The following EHMT1 variants were observed in gnomAD, a reference collection of about 807,000 sequenced individuals.
EHMT1 encodes the protein histone-lysine N-methyltransferase EHMT1.
A neutral mutation model predicts 147.2 loss-of-function variants in EHMT1; 15 were observed. That is an observed-to-expected ratio of 0.10 (90% CI 0.07 to 0.16). The LOEUF (loss-of-function observed/expected upper bound fraction) is 0.16. Ranked by LOEUF, EHMT1 falls within the 10% of genes least tolerant of loss-of-function variation. EHMT1 has a pLI of 1.00. For synonymous variants in EHMT1, 795 were observed against 709.6 expected (o/e 1.12, Z -1.91); for missense variants, 1,587 against 1,772.4 (o/e 0.90, Z 1.88).
At position 137,776,990 on chromosome 9, in the gene EHMT1, C is replaced by T; in HGVS notation, c.2018+146C>T. The T allele has an allele frequency of 2.6e-6, 2 of 768,716 alleles. No homozygotes were observed. Among genetic ancestry groups the T allele is most frequent in the Non-Finnish European group, 2.1e-6 (1 of 478,878 alleles). The allele number at this position is 768,716 out of a possible 1,614,324, so 47.6% of individuals were successfully genotyped here. On this transcript the variant is annotated intron_variant, in intron 12 of 26. Coordinates refer to ENST00000460843, the MANE Select transcript of EHMT1 (RefSeq NM_024757.5). This position sits in a 1 kb window ranked among gnomAD's most constrained non-coding sequence, Gnocchi z 4.4. Reference sequence around the variant, plus strand: ...TTATGGTGATTTCTGACATTTAAGACTCTGAAATTCATTTATTGCCATTTG... The same window carrying T: ...TTATGGTGATTTCTGACATTTAAGATTCTGAAATTCATTTATTGCCATTTG...
At chr9:137,784,186 G>A in intron 15 of EHMT1, 1 of 1,550,960 alleles carries the variant, frequency 6.4e-7, no homozygotes, top group Non-Finnish European at 8.7e-7. Flanking sequence ...CCCGAACACA[G>A]CCAGGAACCA....
In EHMT1 at chr9:137,626,784, T is replaced by G. The variant is rs1411494015; in HGVS notation, c.21+7735T>G. Among the ~76,000 whole-genome samples the G allele has an allele frequency of 3.1e-5, 4 of 127,432 alleles. No homozygotes were observed. In the East Asian group the frequency reaches 8.4e-4, roughly 27 times the overall value. 83.6% of individuals were successfully genotyped at this position (127,432 alleles called of 152,430 possible). ...CTGTTTTGTTGGCTCTCTTGCAGAA[T>G]TTTTTTTTTTTTTTTTTTGAGACAG... On this transcript the variant is annotated intron_variant, in intron 1 of 26. Coordinates refer to ENST00000460843, the MANE Select transcript of EHMT1 (RefSeq NM_024757.5).
intron 1 of EHMT1, among the ~76,000 whole-genome samples, chr9:137,691,798 C>T (rs956996011): frequency 6.6e-6 from 1 of 152,178 alleles, no homozygotes; most frequent in Middle Eastern, 3.2e-3. Context: ...ACAGTCTCTC[C>T]TGGGTGTGAA....
chr9:137,762,121 C>T (rs369149242), intron 9 of EHMT1, among the ~76,000 whole-genome samples: 7 of 152,258 alleles, frequency 4.6e-5, no homozygotes, highest in African/African-American at 1.7e-4. Context: ...ATATTGAGCT[C>T]TAATTCTCCT....
At chr9:137,827,322 C>T (rs1955875199) in intron 25 of EHMT1, among the ~76,000 whole-genome samples, 1 of 152,158 alleles carries the variant, frequency 6.6e-6, no homozygotes, top group South Asian at 2.1e-4. Context: ...CTCCCTGCAC[C>T]CTCTCACTTC....
intron 21 of EHMT1, chr9:137,814,107 T>C (rs2137747249): frequency 3.1e-6 from 1 of 323,782 alleles, no homozygotes; most frequent in Non-Finnish European, 5.8e-6. Context: ...GGCTCTGTGT[T>C]CTTGCCTTTC....
chr9:137,776,997 A>T lies in EHMT1; in HGVS notation c.2018+153A>T. 1 of 742,900 alleles carries T rather than the reference A, an allele frequency of 1.3e-6. No homozygotes were observed. Among genetic ancestry groups the T allele is most frequent in the Non-Finnish European group, 2.2e-6 (1 of 457,864 alleles). 46.0% of individuals were successfully genotyped at this position (742,900 alleles called of 1,614,324 possible). The stretch of plus-strand genomic sequence containing the variant: ...GATTTCTGACATTTAAGACTCTGAA[A>T]TTCATTTATTGCCATTTGTGCATAC... On this transcript the variant is annotated intron_variant, in intron 12 of 26. Coordinates refer to ENST00000460843, the MANE Select transcript of EHMT1 (RefSeq NM_024757.5). The surrounding 1 kb of genome is among the most constrained non-coding windows in gnomAD (Gnocchi z 4.4).
In EHMT1 at chr9:137,657,498, C is replaced by CTTT. The variant is rs545345887; in HGVS notation, c.21+38461_21+38463dup. On this transcript the variant is annotated intron_variant, in intron 1 of 26. Transcript: ENST00000460843. ...AGGTGGGAGCCAGTGCACCTGGTTG[C>CTTT]TTTTTTTTTTTTTTAATAAAAATTT... 5.0e-3 allele frequency among the ~76,000 whole-genome samples: 627 copies of CTTT among 126,134 alleles called. 6 individuals carry two copies. Among genetic ancestry groups the CTTT allele is most frequent in the African/African-American group, 0.017 (587 of 33,970 alleles). The allele number at this position is 126,134 out of a possible 152,430, so 82.7% of individuals were successfully genotyped here.
At position 137,779,689 on chromosome 9, in the gene EHMT1, G is replaced by A. The variant is rs750137403; in HGVS notation, c.2247G>A (p.Gly749=). The change falls in exon 14 of 27, where the codon GGG becomes GGA. Residue 749 remains glycine, a synonymous_variant. Coordinates refer to ENST00000460843, the MANE Select transcript of EHMT1 (RefSeq NM_024757.5). Reference sequence around the variant, plus strand: ...AGCTGTACTTCTCCGCCAGGCAAGGGGAGCTTCAGAAGGTGCTCCTCATGC... The same window carrying A: ...AGCTGTACTTCTCCGCCAGGCAAGGAGAGCTTCAGAAGGTGCTCCTCATGC... ...PKQLYFSARQ[G]ELQKVLLMLV... is the part of the protein sequence containing the mutation. 2 of 1,613,832 alleles carry A rather than the reference G, an allele frequency of 1.2e-6. No individual in the cohort carries two copies. Among genetic ancestry groups the A allele is most frequent in the Non-Finnish European group, 8.5e-7 (1 of 1,180,050 alleles).
At chr9:137,800,655 C>G (rs1459470521) in intron 17 of EHMT1, 4 of 583,894 alleles carry the variant, frequency 6.9e-6, no homozygotes, top group Non-Finnish European at 1.2e-5. Context: ...GTTGTTGGGC[C>G]TGGGCCAGTC....
intron 10 of EHMT1, chr9:137,764,021 C>G (rs1950043882): frequency 6.6e-6 from 1 of 152,566 alleles, no homozygotes; most frequent in South Asian, 2.1e-4. Context: ...TCTGGCCTGG[C>G]TGGGATTTTG....
At chr9:137,792,045 T>C (rs929181587) in intron 16 of EHMT1, 1 of 465,072 alleles carries the variant, frequency 2.2e-6, no homozygotes, top group Admixed American at 2.5e-5. Context: ...AACAGCTTTT[T>C]TTTTTACAGA....
At chr9:137,798,338 GCT>G (rs1953135912) in intron 16 of EHMT1, among the ~76,000 whole-genome samples, 1 of 152,134 alleles carries the variant, frequency 6.6e-6, no homozygotes, top group Non-Finnish European at 1.5e-5. Flanking sequence ...GGAATCAGAG[GCT>G]GTGGTGAGCT....
chr9:137,716,970 G>T lies in EHMT1; in HGVS notation c.430G>T (p.Ala144Ser), dbSNP rs1227523983. 3.1e-6 allele frequency: 5 copies of T among 1,611,206 alleles called. No individual in the cohort carries two copies. The highest frequency in any genetic ancestry group is 1.7e-4 in the Middle Eastern group (1 of 6,054). ...GCCCTTGAGGACTACCAGCACTCTG[G>T]CCTCTTCGCTGCCTGGCCATGCTGC... Reference protein sequence around the residue: ...AQPLRTTSTLASSLPGHAAKT... With the variant: ...AQPLRTTSTLSSSLPGHAAKT... The change falls in exon 3 of 27, where the codon GCC becomes TCC. Residue 144 changes from alanine (A) to serine (S), a missense_variant. Ala to Ser is a moderately conservative substitution (Grantham distance 99, BLOSUM62 1). This residue lies in a region of EHMT1 where 810 missense variants were observed against 673.0 expected (regional missense o/e 1.20). Coordinates refer to ENST00000460843, the MANE Select transcript of EHMT1 (RefSeq NM_024757.5).
chr9:137,755,069 C>T (rs536522135), intron 8 of EHMT1, among the ~76,000 whole-genome samples: 2 of 152,294 alleles, frequency 1.3e-5, no homozygotes, highest in South Asian at 2.1e-4. Flanking sequence ...TTTTTGTTTC[C>T]AGCTTAACCG....
chr9:137,657,712 A>G (rs1938615076), intron 1 of EHMT1, among the ~76,000 whole-genome samples: 1 of 151,738 alleles, frequency 6.6e-6, no homozygotes, highest in Admixed American at 6.6e-5. Flanking sequence ...TGTGCAATAG[A>G]CCATTGTTGA....
chr9:137,674,064 C>T (rs377464632), intron 1 of EHMT1, among the ~76,000 whole-genome samples: 11 of 152,160 alleles, frequency 7.2e-5, no homozygotes, highest in East Asian at 5.8e-4. Flanking sequence ...GTTTGAAATA[C>T]GGTTAGTGGA....
chr9:137,631,893 A>G (rs1378687710), intron 1 of EHMT1, among the ~76,000 whole-genome samples: 2 of 152,162 alleles, frequency 1.3e-5, no homozygotes, highest in African/African-American at 4.8e-5. Flanking sequence ...AAGAAAAAAA[A>G]GATTATAATA....
intron 1 of EHMT1, among the ~76,000 whole-genome samples, chr9:137,698,650 A>C (rs1230895040): frequency 6.6e-6 from 1 of 152,188 alleles, no homozygotes; most frequent in Non-Finnish European, 1.5e-5. Context: ...TTTCAGGGTC[A>C]GGCAGGGCCT....
Sources: allele counts gnomAD v4.1 joint callset (sites outside exome capture counted in the v4.1 genomes callset), GRCh38; gene constraint gnomAD v4.1.1; regional missense constraint gnomAD v4.1.1; non-coding constraint Gnocchi (gnomAD v3.1); transcripts MANE v1.5; gene names NCBI Gene and HGNC (gene_info 2026-07-23, HGNC 2026-07-21).